Variants in SPOUT1 observed in about 807,000 individuals in gnomAD.
The protein encoded by SPOUT1 is 28S rRNA (uridine-N(3))-methyltransferase.
In SPOUT1, 40 loss-of-function variants were observed where a neutral mutation model predicts 54.8. The ratio of observed to expected loss-of-function variants is 0.73; its 90% CI spans 0.57 to 0.95. The LOEUF (loss-of-function observed/expected upper bound fraction) is 0.95. SPOUT1 is among the 40% of genes least tolerant of loss of function. SPOUT1 has a pLI of 0.00. For missense variants in SPOUT1, 437 were observed against 499.5 expected (o/e 0.87, Z 1.19); for synonymous variants, 193 against 200.3 (o/e 0.96, Z 0.31).
rs1209563196 is a variant in SPOUT1, at chr9:128,826,368, GC to G, written c.508+15del. 1.9e-6 allele frequency: 3 copies of G among 1,612,900 alleles called. No homozygotes were observed. Among genetic ancestry groups the G allele is most frequent in the Non-Finnish European group, 2.5e-6 (3 of 1,178,944 alleles). On this transcript the variant is annotated intron_variant, in intron 6 of 11. Transcript: ENST00000361256. This position sits in a 1 kb window ranked among gnomAD's most constrained non-coding sequence, Gnocchi z 5.5. ...TGATCCAGGGGAAATGGGGGGGCGG[GC>G]CCATACAGCGTTACCTGCAAACTGT...
Position 128,822,405 on chromosome 9 carries a change from T to C in SPOUT1, c.*360A>G, listed in dbSNP as rs780487313. 6 of 1,612,000 alleles carry C rather than the reference T, an allele frequency of 3.7e-6. No individual in the cohort carries two copies. Among genetic ancestry groups the C allele is most frequent in the Non-Finnish European group, 5.1e-6 (6 of 1,179,210 alleles). On this transcript the variant is annotated 3_prime_UTR_variant, in exon 12 of 12. Coordinates refer to ENST00000361256, the MANE Select transcript of SPOUT1 (RefSeq NM_016390.4). ...CACGTGGCAGTGCCCACACACTTCT[T>C]CAAGGTGCTGATCCTGGAGGCAGCA...
At chr9:128,824,279 G>T (rs1196047294) in intron 9 of SPOUT1, 105 bp from the exon 10 acceptor site, 3 of 496,052 alleles carry the variant, frequency 6.0e-6, no homozygotes, top group Non-Finnish European at 1.1e-5. Context: ...AGAGCTGTGT[G>T]GTGTGTGTGT....
At chr9:128,828,886 C>T (rs1251213323) in intron 2 of SPOUT1, 26 bp from the exon 3 acceptor site, 1 of 1,613,652 alleles carries the variant, frequency 6.2e-7, no homozygotes, top group Non-Finnish European at 8.5e-7. Context: ...TCCTAATTGG[C>T]CAAGGAGACA....
chr9:128,828,455 C>T lies in SPOUT1; in HGVS notation c.208+280G>A, dbSNP rs577823665. Among the ~76,000 whole-genome samples the T allele has an allele frequency of 6.0e-5, 9 of 149,950 alleles. No homozygotes were observed. In the East Asian group the frequency reaches 1.8e-3, roughly 30 times the overall value. ...AGGTTGCAGTGAGCAGAGATGGCGCCGTTGCACTCCAGCCTGGGCAACAGA... is the reference window on the plus strand; with the variant it reads ...AGGTTGCAGTGAGCAGAGATGGCGCTGTTGCACTCCAGCCTGGGCAACAGA... On this transcript the variant is annotated intron_variant, in intron 3 of 11. Transcript: ENST00000361256.
At position 128,820,570 on chromosome 9, in the gene SPOUT1, C is replaced by G. The variant is rs1830090220; in HGVS notation, c.*2195G>C. On this transcript the variant is annotated 3_prime_UTR_variant, in exon 12 of 12. Coordinates refer to ENST00000361256, the MANE Select transcript of SPOUT1 (RefSeq NM_016390.4). ...CAGAGGGTGGTGGCTAGCACTCTAT[C>G]AGCCCTGGGTTTCAGGGAGTGACTT... The G allele has an allele frequency of 1.6e-6, 1 of 623,348 alleles. No homozygotes were observed. Among genetic ancestry groups the G allele is most frequent in the Non-Finnish European group, 2.9e-6 (1 of 349,970 alleles). The allele number at this position is 623,348 out of a possible 1,614,324, so 38.6% of individuals were successfully genotyped here.
Position 128,820,652 on chromosome 9 carries a change from T to A in SPOUT1, c.*2113A>T. 2.7e-6 allele frequency: 3 copies of A among 1,094,902 alleles called. No individual in the cohort carries two copies. The highest frequency in any genetic ancestry group is 4.1e-6 in the Non-Finnish European group (3 of 735,416). 67.8% of individuals were successfully genotyped at this position (1,094,902 alleles called of 1,614,324 possible). ...GTCTCACTGGATATCTCTGAGCCTGTCCATCCCCTCAGGACCTGGGGCGGC... is the reference window on the plus strand; with the variant it reads ...GTCTCACTGGATATCTCTGAGCCTGACCATCCCCTCAGGACCTGGGGCGGC... On this transcript the variant is annotated 3_prime_UTR_variant, in exon 12 of 12. Coordinates refer to ENST00000361256, the MANE Select transcript of SPOUT1 (RefSeq NM_016390.4).
intron 11 of SPOUT1, among the ~76,000 whole-genome samples, chr9:128,823,276 A>G (rs1022424970): frequency 6.6e-6 from 1 of 152,112 alleles, no homozygotes; most frequent in African/African-American, 2.4e-5. Flanking sequence ...TTCCCAGCAG[A>G]GTTCCCGTAG....
chr9:128,828,793 C>T lies in SPOUT1; in HGVS notation c.150G>A (p.Gln50=). The T allele has an allele frequency of 3.1e-6, 5 of 1,614,190 alleles. No individual in the cohort carries two copies. Among genetic ancestry groups the T allele is most frequent in the Non-Finnish European group, 4.2e-6 (5 of 1,180,018 alleles). ...CTTCCAGGCGCTTTGCCTGTTCCTC[C>T]TGTGCCCGCTGCCGCTCCAGTTTTT... ...LMKKLERQRA[Q]EEQAKRLEEE... is the part of the protein sequence containing the mutation. Residue 50 remains glutamine (Q), a synonymous_variant, in exon 3 of 12, where the codon CAG becomes CAA. Coordinates refer to ENST00000361256, the MANE Select transcript of SPOUT1 (RefSeq NM_016390.4).
At position 128,823,529 on chromosome 9, in the gene SPOUT1, C is replaced by A. The variant is rs2280842; in HGVS notation, c.1062+218G>T. Among the ~76,000 whole-genome samples the A allele has an allele frequency of 1.7e-3, 265 of 152,056 alleles. 1 individual carries two copies. Among genetic ancestry groups the A allele is most frequent in the Non-Finnish European group, 2.4e-3 (162 of 67,960 alleles). On this transcript the variant is annotated intron_variant, in intron 11 of 11. Transcript: ENST00000361256. ...GGGGTGGGCAGGGCCCCCTGGGTCACCCAGTCTGGGAGCACAGGACGGGCA... is the reference window on the plus strand; with the variant it reads ...GGGGTGGGCAGGGCCCCCTGGGTCAACCAGTCTGGGAGCACAGGACGGGCA...
At chr9:128,824,949 C>T (rs551160205) in intron 8 of SPOUT1, 28 bp downstream of exon 8, 21 of 1,606,204 alleles carry the variant, frequency 1.3e-5, no homozygotes, top group Non-Finnish European at 1.7e-5. Context: ...ATCAGGCCAA[C>T]CCAGGGGTTG....
Position 128,824,041 on chromosome 9 carries a change from T to C in SPOUT1, c.914+31A>G, listed in dbSNP as rs777886204. On this transcript the variant is annotated intron_variant, in intron 10 of 11. Transcript: ENST00000361256. ...GGCAGGTTCCTGGCCACATTCCTCC[T>C]GCCCTGGCCGCAGCCCCAGGAGGTA... 7.5e-6 allele frequency: 12 copies of C among 1,595,886 alleles called. No individual in the cohort carries two copies. The Admixed American group carries it at 1.7e-4, about 22-fold the overall frequency.
At chr9:128,827,284 G>T in intron 3 of SPOUT1, 93 bp from the exon 4 acceptor site, 1 of 1,254,030 alleles carries the variant, frequency 8.0e-7, no homozygotes, top group Non-Finnish European at 1.1e-6. Context: ...CATGGTTTGA[G>T]AATTTCCCAA....
chr9:128,824,407 A>G (rs545703927), intron 9 of SPOUT1, among the ~76,000 whole-genome samples: 1 of 152,100 alleles, frequency 6.6e-6, no homozygotes, highest in South Asian at 2.1e-4. Flanking sequence ...GTTCCTGGAA[A>G]GTCAAGGACT....
Position 128,822,578 on chromosome 9 carries a change from A to G in SPOUT1, c.*187T>C. The G allele has an allele frequency of 6.4e-7, 1 of 1,569,046 alleles. No individual in the cohort carries two copies. The highest frequency in any genetic ancestry group is 8.6e-7 in the Non-Finnish European group (1 of 1,156,814). On this transcript the variant is annotated 3_prime_UTR_variant, in exon 12 of 12. Transcript: ENST00000361256. The stretch of plus-strand genomic sequence containing the variant: ...GCCAAACATCCTGGCGCGGGCAGGC[A>G]GCCTCAAGGCCATCACGGCGGGCAG...
chr9:128,823,292 C>T (rs968008595), intron 11 of SPOUT1, among the ~76,000 whole-genome samples: 3 of 152,112 alleles, frequency 2.0e-5, no homozygotes, highest in Non-Finnish European at 4.4e-5. Flanking sequence ...CGTAGCACAG[C>T]GTCCTATGCC....
chr9:128,826,155 G>A lies in SPOUT1; in HGVS notation c.509-3C>T, dbSNP rs985211653. On this transcript the variant is annotated splice_polypyrimidine_tract_variant and splice_region_variant and intron_variant, in intron 6 of 11. Transcript: ENST00000361256. This position sits in a 1 kb window ranked among gnomAD's most constrained non-coding sequence, Gnocchi z 5.5. ...GCTGTCCAGGGGGTTCAGGAGCCCT[G>A]TGGAGGCAGAGCCGGGAAGAGTCTG... The A allele has an allele frequency of 6.2e-7, 1 of 1,602,398 alleles. No individual in the cohort carries two copies. Among genetic ancestry groups the A allele is most frequent in the Non-Finnish European group, 8.5e-7 (1 of 1,174,066 alleles).
rs1830231415 is a variant in SPOUT1 at position 128,825,936 on chromosome 9, AG to A, written c.639+85del. 25 of 1,577,938 alleles carry A rather than the reference AG, an allele frequency of 1.6e-5. No individual in the cohort carries two copies. The South Asian group carries it at 2.6e-4, about 16-fold the overall frequency. On this transcript the variant is annotated intron_variant, in intron 7 of 11. Transcript: ENST00000361256. ...TCAGTGAGGGATTTCGGGCAGGTCC[AG>A]GGCTCTCCGCAACATCCATCTGCTT...
At chr9:128,825,868 C>T in intron 7 of SPOUT1, 154 bp downstream of exon 7, 2 of 842,908 alleles carry the variant, frequency 2.4e-6, no homozygotes. Context: ...CTGGCTTTAT[C>T]TATTGAGCCC....
intron 3 of SPOUT1, 25 bp downstream of exon 3, chr9:128,828,707 TGTG>T (rs1564436841): frequency 6.2e-7 from 1 of 1,611,598 alleles, no homozygotes; most frequent in East Asian, 2.2e-5. Context: ...GGCCACAACC[TGTG>T]GCCCTCCCCA....
Sources: gnomAD v4.1 joint callset for allele counts (sites outside exome capture counted in the v4.1 genomes callset) on GRCh38, gnomAD v4.1.1 for gene constraint, Gnocchi (gnomAD v3.1) non-coding constraint, MANE v1.5 for transcripts, NCBI Gene and HGNC (gene_info 2026-07-23, HGNC 2026-07-21) for gene names.